DGKG: variants seen among roughly 807,000 people sequenced by gnomAD.
The protein encoded by DGKG is DAG kinase gamma.
DGKG carries 78 observed loss-of-function variants against 105.3 expected under a neutral mutation model. The observed-to-expected ratio is 0.74, with a 90% confidence interval of 0.62 to 0.89. The LOEUF (loss-of-function observed/expected upper bound fraction) is 0.89, where lower values mean the gene tolerates loss of function less well. DGKG is among the 40% of genes least tolerant of loss of function. The pLI, the probability that DGKG is intolerant of heterozygous loss-of-function variation, is 0.00. For missense variants in DGKG, 958 were observed against 1,020.1 expected, an observed-to-expected ratio of 0.94 and a Z score of 0.83; for synonymous variants, 346 against 367.1, an observed-to-expected ratio of 0.94 and a Z score of 0.66.
chr3:186,169,044 C>G (rs192197114), intron 22 of DGKG, among the ~76,000 whole-genome samples: 49 of 152,314 alleles, frequency 3.2e-4, no homozygotes, highest in Non-Finnish European at 5.9e-4. Flanking sequence ...AAACTAAGTT[C>G]ATACAAATAT....
intron 8 of DGKG, among the ~76,000 whole-genome samples, chr3:186,280,274 A>C (rs1185313296): frequency 6.6e-6 from 1 of 152,216 alleles, no homozygotes; most frequent in Non-Finnish European, 1.5e-5. Context: ...ATGAATGTAA[A>C]GTGAATAACA....
At chr3:186,273,742 C>T (rs1279943263) in intron 10 of DGKG, among the ~76,000 whole-genome samples, 3 of 152,154 alleles carry the variant, frequency 2.0e-5, no homozygotes, top group Non-Finnish European at 4.4e-5. Flanking sequence ...GCCAAGGCGA[C>T]TTCTGTGGCT....
rs1330617486 is a variant in DGKG at position 186,149,724 on chromosome 3, G to A, written c.*366C>T. 3.9e-6 allele frequency: 4 copies of A among 1,021,886 alleles called. No homozygotes were observed. The highest frequency in any genetic ancestry group is 3.8e-5 in the South Asian group (1 of 26,480). The allele number at this position is 1,021,886 out of a possible 1,614,324, so 63.3% of individuals were successfully genotyped here. Reference sequence around the variant, plus strand: ...AACCTGCAGCCTGCTCCTCGCGAGCGTCCATGAGGAAACTTGCAGGGCTGG... The same window carrying A: ...AACCTGCAGCCTGCTCCTCGCGAGCATCCATGAGGAAACTTGCAGGGCTGG... On this transcript the variant is annotated 3_prime_UTR_variant, in exon 25 of 25. Transcript: ENST00000265022.
chr3:186,242,381 G>C, intron 20 of DGKG, 123 bp downstream of exon 20: 1 of 716,724 alleles, frequency 1.4e-6, no homozygotes, highest in Non-Finnish European at 2.2e-6. Context: ...CTTCCGGCAA[G>C]TGGCAGGAAG....
chr3:186,162,475 T>C (rs1716341637), intron 23 of DGKG, among the ~76,000 whole-genome samples: 2 of 152,260 alleles, frequency 1.3e-5, no homozygotes, highest in Non-Finnish European at 2.9e-5. Context: ...CTCCAATTTA[T>C]ACAACATACA....
chr3:186,157,130 G>T (rs1250465952), intron 24 of DGKG, among the ~76,000 whole-genome samples: 1 of 151,836 alleles, frequency 6.6e-6, no homozygotes, highest in Non-Finnish European at 1.5e-5. Context: ...ATTGGTTATG[G>T]TTTAACATAT....
intron 24 of DGKG, among the ~76,000 whole-genome samples, chr3:186,154,665 A>G (rs1715944099): frequency 6.7e-6 from 1 of 150,006 alleles, no homozygotes; most frequent in African/African-American, 2.5e-5. Flanking sequence ...AAAAAAAAAG[A>G]AAAGAAAAAG....
chr3:186,298,375 G>A lies in DGKG; in HGVS notation c.145-146C>T, dbSNP rs148499030. 101 of 719,694 alleles carry A rather than the reference G, an allele frequency of 1.4e-4. No homozygotes were observed. In the African/African-American group the frequency reaches 1.6e-3, roughly 11 times the overall value. The allele number at this position is 719,694 out of a possible 1,614,324, so 44.6% of individuals were successfully genotyped here. On this transcript the variant is annotated intron_variant, in intron 3 of 24. Coordinates refer to ENST00000265022, the MANE Select transcript of DGKG (RefSeq NM_001346.3). Reference sequence around the variant, plus strand: ...TGGAGGAGCTGATGGGGACAGGAATGAAAAGGCCAGGGAAGTGATAGACAA... The same window carrying A: ...TGGAGGAGCTGATGGGGACAGGAATAAAAAGGCCAGGGAAGTGATAGACAA...
At chr3:186,340,585 C>T (rs1654152622) in intron 1 of DGKG, among the ~76,000 whole-genome samples, 1 of 152,100 alleles carries the variant, frequency 6.6e-6, no homozygotes, top group Non-Finnish European at 1.5e-5. Context: ...AGAAAGCCAC[C>T]CTGTTGCTGA....
At chr3:186,326,775 A>G (rs1052757176) in intron 1 of DGKG, among the ~76,000 whole-genome samples, 1 of 152,176 alleles carries the variant, frequency 6.6e-6, no homozygotes, top group Non-Finnish European at 1.5e-5. Context: ...TCTCACTCCC[A>G]TCAGTTTCTG....
chr3:186,306,785 A>G (rs1363659208), intron 3 of DGKG, 116 bp downstream of exon 3: 2 of 693,210 alleles, frequency 2.9e-6, no homozygotes, highest in Non-Finnish European at 5.1e-6. Context: ...ACTTAAGAGG[A>G]AACATGCTGA....
chr3:186,185,890 AG>A (rs1366289828), intron 22 of DGKG, among the ~76,000 whole-genome samples: 1 of 151,978 alleles, frequency 6.6e-6, no homozygotes, highest in Admixed American at 6.6e-5. Flanking sequence ...TGAGGGCAGG[AG>A]TTTGAGACCA....
chr3:186,168,774 C>T (rs1269794291), intron 22 of DGKG, among the ~76,000 whole-genome samples: 2 of 152,076 alleles, frequency 1.3e-5, no homozygotes, highest in Non-Finnish European at 2.9e-5. Flanking sequence ...TGCTTGAACC[C>T]GGGAGGCAGA....
chr3:186,239,916 T>C, intron 20 of DGKG, among the ~76,000 whole-genome samples: 1 of 149,476 alleles, frequency 6.7e-6, no homozygotes, highest in African/African-American at 2.5e-5. Flanking sequence ...TTTTTTTTTT[T>C]CTGACGGATG....
intron 1 of DGKG, among the ~76,000 whole-genome samples, chr3:186,324,473 G>T (rs1725238064): frequency 6.6e-6 from 1 of 150,492 alleles, no homozygotes; most frequent in African/African-American, 2.4e-5. Flanking sequence ...TTATCATCCA[G>T]TTGCAAATAC....
chr3:186,327,977 T>C (rs1161488496), intron 1 of DGKG, among the ~76,000 whole-genome samples: 1 of 152,082 alleles, frequency 6.6e-6, no homozygotes, highest in Non-Finnish European at 1.5e-5. Flanking sequence ...CTCACCCCCA[T>C]TACCTCCTGC....
At chr3:186,241,403 G>A (rs766209006) in intron 20 of DGKG, among the ~76,000 whole-genome samples, 14 of 151,778 alleles carry the variant, frequency 9.2e-5, no homozygotes, top group Non-Finnish European at 2.1e-4. Context: ...AAATACAAAA[G>A]TTAGCCAGGC....
At chr3:186,269,510 G>A (rs555587515) in intron 11 of DGKG, among the ~76,000 whole-genome samples, 1 of 152,346 alleles carries the variant, frequency 6.6e-6, no homozygotes, top group East Asian at 1.9e-4. Context: ...ACCCACAATT[G>A]GGTAATGCCC....
chr3:186,246,160 C>T (rs9851384), intron 19 of DGKG, among the ~76,000 whole-genome samples: 15,809 of 151,992 alleles, frequency 0.1, 1,053 homozygotes, highest in Middle Eastern at 0.17. Context: ...TTAGTAGAGA[C>T]GGGGTTTCAC....
Sources: gnomAD v4.1 joint callset for allele counts (sites outside exome capture counted in the v4.1 genomes callset) on GRCh38, gnomAD v4.1.1 for gene constraint, MANE v1.5 for transcripts, NCBI Gene and HGNC (gene_info 2026-07-23, HGNC 2026-07-21) for gene names.